EPHB1: variants seen among roughly 807,000 people sequenced by gnomAD.
EPHB1 encodes the protein EPH receptor B1.
Under a neutral mutation model 94.4 loss-of-function variants are expected in EPHB1, and 30 were observed. The ratio of observed to expected loss-of-function variants is 0.32; its 90% CI spans 0.24 to 0.43. The LOEUF (loss-of-function observed/expected upper bound fraction) is 0.43, where lower values mean the gene tolerates loss of function less well. Ranked by LOEUF, EPHB1 falls within the 20% of genes least tolerant of loss-of-function variation. The probability of loss-of-function intolerance (pLI) is 1.00; values close to 1 mark genes in which losing one functional copy is unlikely to be tolerated. For missense variants in EPHB1, 1,055 were observed against 1,308.3 expected, an observed-to-expected ratio of 0.81 and a Z score of 2.99; for synonymous variants, 522 against 489.1, an observed-to-expected ratio of 1.07 and a Z score of -0.89.
chr3:135,245,199 C>T (rs1192625892), intron 13 of EPHB1, among the ~76,000 whole-genome samples: 1 of 152,192 alleles, frequency 6.6e-6, no homozygotes, highest in Non-Finnish European at 1.5e-5. Flanking sequence ...CATCCTACTA[C>T]TCATCTGCGC....
At chr3:134,804,308 T>A (rs897046769) in intron 1 of EPHB1, among the ~76,000 whole-genome samples, 5 of 152,018 alleles carry the variant, frequency 3.3e-5, no homozygotes, top group African/African-American at 1.2e-4. Flanking sequence ...CTGATAAACC[T>A]ATCAGATCTC....
intron 3 of EPHB1, among the ~76,000 whole-genome samples, chr3:135,075,589 G>A (rs951359439): frequency 2.6e-5 from 4 of 152,150 alleles, no homozygotes; most frequent in Admixed American, 6.5e-5. Flanking sequence ...GATGGGCTTT[G>A]TGCTTCTTCA....
At chr3:135,013,032 T>G (rs1026829737) in intron 3 of EPHB1, among the ~76,000 whole-genome samples, 1 of 152,170 alleles carries the variant, frequency 6.6e-6, no homozygotes, top group Non-Finnish European at 1.5e-5. Context: ...GACATCATAA[T>G]AGATGTGGCA....
intron 5 of EPHB1, among the ~76,000 whole-genome samples, chr3:135,147,364 A>G (rs1425036652): frequency 2.0e-5 from 3 of 152,256 alleles, no homozygotes; most frequent in Non-Finnish European, 4.4e-5. Context: ...AGAAATGCAA[A>G]CATATGTCCA....
At position 135,259,752 on chromosome 3, in the gene EPHB1, A is replaced by C. The variant is rs1933564306; in HGVS notation, c.*632A>C. ...AGAAGAGATGTACCTTCAATTGAAA[A>C]CCTCGTTTTTCTTTTGTTTGCATTT... On this transcript the variant is annotated 3_prime_UTR_variant, in exon 16 of 16. Coordinates refer to ENST00000398015, the MANE Select transcript of EPHB1 (RefSeq NM_004441.5). 1 of 211,810 alleles carries C rather than the reference A, an allele frequency of 4.7e-6. No homozygotes were observed. Among genetic ancestry groups the C allele is most frequent in the South Asian group, 1.9e-4 (1 of 5,332 alleles). 13.1% of individuals were successfully genotyped at this position (211,810 alleles called of 1,614,324 possible). A position where few individuals can be genotyped will look rare whatever the true frequency, so the allele number is the denominator to read the frequency against.
intron 15 of EPHB1, among the ~76,000 whole-genome samples, chr3:135,257,921 C>A (rs1031918397): frequency 1.5e-4 from 22 of 151,502 alleles, no homozygotes; most frequent in African/African-American, 4.1e-4. Flanking sequence ...CGTGGTGCGC[C>A]GTGTTTTAAG....
At chr3:134,868,022 T>A (rs2037417412) in intron 1 of EPHB1, among the ~76,000 whole-genome samples, 1 of 152,176 alleles carries the variant, frequency 6.6e-6, no homozygotes, top group Admixed American at 6.5e-5. Context: ...GGACTCTGAT[T>A]CCACCGCAGC....
At chr3:134,884,415 CT>C (rs2037821587) in intron 1 of EPHB1, among the ~76,000 whole-genome samples, 2 of 152,204 alleles carry the variant, frequency 1.3e-5, no homozygotes, top group South Asian at 4.1e-4. Flanking sequence ...ATGAGTACAA[CT>C]TTCTTTTAAC....
chr3:135,241,324 A>C, intron 13 of EPHB1, 27 bp downstream of exon 13: 1 of 1,613,608 alleles, frequency 6.2e-7, no homozygotes. Context: ...CTTGGTCACC[A>C]CAAACCCCCA....
chr3:135,137,860 GA>G (rs1169339555), intron 5 of EPHB1, among the ~76,000 whole-genome samples: 26 of 152,094 alleles, frequency 1.7e-4, no homozygotes, highest in Admixed American at 1.4e-3. Flanking sequence ...CTTTGTTTGG[GA>G]CTGATGTTAT....
intron 2 of EPHB1, among the ~76,000 whole-genome samples, chr3:134,937,343 G>T (rs1036036732): frequency 1.3e-5 from 2 of 152,222 alleles, no homozygotes; most frequent in East Asian, 1.9e-4. Flanking sequence ...TGTGGTGGGG[G>T]TGTCCTCTCT....
Position 134,816,708 on chromosome 3 carries a change from A to G in EPHB1, c.58+21019A>G, listed in dbSNP as rs530325264. On this transcript the variant is annotated intron_variant, in intron 1 of 15. Coordinates refer to ENST00000398015, the MANE Select transcript of EPHB1 (RefSeq NM_004441.5). ...TGCTTGCCAATACCTTGTCTGGCCCATCTATTGCTGGTGTGTAGTCCTTGC... is the reference window on the plus strand; with the variant it reads ...TGCTTGCCAATACCTTGTCTGGCCCGTCTATTGCTGGTGTGTAGTCCTTGC... Among the ~76,000 whole-genome samples, 22 of 152,042 alleles carry G rather than the reference A, an allele frequency of 1.4e-4. No homozygotes were observed. In the South Asian group the frequency reaches 4.4e-3, roughly 30 times the overall value.
At chr3:135,041,889 G>GAA (rs1936857532) in intron 3 of EPHB1, among the ~76,000 whole-genome samples, 1 of 152,060 alleles carries the variant, frequency 6.6e-6, no homozygotes, top group Non-Finnish European at 1.5e-5. Context: ...ACACATGAGA[G>GAA]AGAGAGAGAC....
chr3:134,950,528 G>C (rs570841370), intron 2 of EPHB1, among the ~76,000 whole-genome samples: 8 of 152,322 alleles, frequency 5.3e-5, no homozygotes, highest in Non-Finnish European at 1.0e-4. Flanking sequence ...CATAGTGCCA[G>C]CATCTACTTC....
chr3:134,870,808 G>T (rs927459933), intron 1 of EPHB1, among the ~76,000 whole-genome samples: 1 of 152,250 alleles, frequency 6.6e-6, no homozygotes, highest in Non-Finnish European at 1.5e-5. Flanking sequence ...TAAGTACTTA[G>T]TATCTGCTCC....
chr3:135,159,898 G>A (rs1045275412), intron 6 of EPHB1, among the ~76,000 whole-genome samples: 4 of 152,146 alleles, frequency 2.6e-5, no homozygotes, highest in African/African-American at 7.2e-5. Context: ...CCTCTAGGCC[G>A]TGCTTTTGCA....
chr3:134,832,695 G>T (rs1221453775), intron 1 of EPHB1, among the ~76,000 whole-genome samples: 1 of 152,238 alleles, frequency 6.6e-6, no homozygotes, highest in Non-Finnish European at 1.5e-5. Context: ...TATGGACAAT[G>T]AAGTTGATGT....
chr3:135,135,296 G>A (rs188992673), intron 5 of EPHB1, among the ~76,000 whole-genome samples: 1 of 146,402 alleles, frequency 6.8e-6, no homozygotes, highest in East Asian at 2.1e-4. Context: ...CCTAATCTAT[G>A]GGCTGTGGAC....
At chr3:134,803,222 C>A (rs899549265) in intron 1 of EPHB1, among the ~76,000 whole-genome samples, 1 of 152,210 alleles carries the variant, frequency 6.6e-6, no homozygotes, top group Non-Finnish European at 1.5e-5. Context: ...TCATCTCTCC[C>A]CTCCCACTTC....
Sources: allele counts gnomAD v4.1 joint callset (sites outside exome capture counted in the v4.1 genomes callset), GRCh38; gene constraint gnomAD v4.1.1; transcripts MANE v1.5; gene names NCBI Gene and HGNC (gene_info 2026-07-23, HGNC 2026-07-21).